Variants in STARD7 observed in about 807,000 individuals in gnomAD.
STARD7 encodes StAR related lipid transfer domain containing 7.
Under a neutral mutation model 45.3 loss-of-function variants are expected in STARD7, and 30 were observed. The ratio of observed to expected loss-of-function variants is 0.66; its 90% CI spans 0.50 to 0.90. The LOEUF is 0.90. Ranked by LOEUF, STARD7 falls within the 40% of genes least tolerant of loss-of-function variation. The pLI, the probability that STARD7 is intolerant of heterozygous loss-of-function variation, is 0.00. For synonymous variants in STARD7, 199 were observed against 183.0 expected (o/e 1.09, Z -0.70); for missense variants, 495 against 491.3 (o/e 1.01, Z -0.07).
In STARD7 at chr2:96,208,570, G is replaced by A. The variant is rs986741310; in HGVS notation, c.-136C>T. ...CACGGTCCCGCGGCCAGGAGCCGCC[G>A]CTCATCTGTCTCTGCAGCCACCGCT... On this transcript the variant is annotated 5_prime_UTR_variant, in exon 1 of 8. Transcript: ENST00000337288. 7.0e-6 allele frequency: 5 copies of A among 713,232 alleles called. No individual in the cohort carries two copies. The highest frequency in any genetic ancestry group is 5.6e-5 in the African/African-American group (3 of 53,312). The allele number at this position is 713,232 out of a possible 1,614,324, so 44.2% of individuals were successfully genotyped here. A position where few individuals can be genotyped will look rare whatever the true frequency, so the allele number is the denominator to read the frequency against.
rs532181654 is a variant in STARD7 at position 96,201,179 on chromosome 2, T to C, written c.291-5630A>G. Among the ~76,000 whole-genome samples, 16 of 151,438 alleles carry C rather than the reference T, an allele frequency of 1.1e-4. No individual in the cohort carries two copies. In the East Asian group the frequency reaches 2.5e-3, roughly 24 times the overall value. On this transcript the variant is annotated intron_variant, in intron 1 of 7. Coordinates refer to ENST00000337288, the MANE Select transcript of STARD7 (RefSeq NM_020151.4). The stretch of plus-strand genomic sequence containing the variant: ...AGCTCCTAGCATGTCCTGGTAAACA[T>C]TACATGTCCTGGTAAACATTACATA...
At chr2:96,197,107 A>AAAACAAAACAAAACG (rs1683231396) in intron 1 of STARD7, among the ~76,000 whole-genome samples, 1 of 147,568 alleles carries the variant, frequency 6.8e-6, no homozygotes, top group Non-Finnish European at 1.5e-5. Context: ...AAAATAAAAT[A>AAAACAAAACAAAACG]AAATAAAATA....
At chr2:96,195,141 A>T in intron 2 of STARD7, 134 bp from the exon 3 acceptor site, 1 of 862,160 alleles carries the variant, frequency 1.2e-6, no homozygotes, top group African/African-American at 1.7e-5. Flanking sequence ...AAGTCTTAGT[A>T]GAGCAACAAA....
At chr2:96,194,128 G>A (rs1323864186) in intron 3 of STARD7, among the ~76,000 whole-genome samples, 1 of 152,154 alleles carries the variant, frequency 6.6e-6, no homozygotes, top group East Asian at 1.9e-4. Context: ...GGAGGCAAAG[G>A]CAGGAGGATC....
chr2:96,192,257 C>A, intron 6 of STARD7, 112 bp downstream of exon 6: 1 of 862,860 alleles, frequency 1.2e-6, no homozygotes, highest in Admixed American at 1.8e-5. Flanking sequence ...CAGACTCCCC[C>A]GAGCGAGAAC....
intron 6 of STARD7, among the ~76,000 whole-genome samples, chr2:96,190,707 A>G (rs987333386): frequency 1.3e-5 from 2 of 152,004 alleles, no homozygotes; most frequent in Admixed American, 1.3e-4. Flanking sequence ...AGTGGCACAA[A>G]CACGGCTTAA....
intron 1 of STARD7, among the ~76,000 whole-genome samples, chr2:96,207,710 C>A (rs1352240329): frequency 2.0e-5 from 3 of 152,214 alleles, no homozygotes; most frequent in Non-Finnish European, 2.9e-5. Flanking sequence ...GCTTTTCTCA[C>A]AGGCCTGAGT....
In STARD7 at chr2:96,208,254, G is replaced by A. The variant is rs770302206; in HGVS notation, c.181C>T (p.Leu61Phe). The change falls in exon 1 of 8, where the codon CTC becomes TTC. Residue 61 changes from leucine (L) to phenylalanine (F), a missense_variant. Physicochemically the swap from Leu to Phe is conservative, Grantham distance 22 (BLOSUM62 0). Around this residue, in one of 2 missense-constraint regions of STARD7, gnomAD observed 282 missense variants for 220.1 expected, o/e 1.28. Transcript: ENST00000337288. ...GGACGGCCGTGCAGCCGGCGCCAGA[G>A]GCGGCCGAGGAGAACGCGGCGTGAG... ...ESSRRVLLGRLWRRLHGRPGH... is the reference protein window; with the variant it reads ...ESSRRVLLGRFWRRLHGRPGH... The A allele has an allele frequency of 5.0e-6, 8 of 1,612,056 alleles. No individual in the cohort carries two copies. Among genetic ancestry groups the A allele is most frequent in the Admixed American group, 3.3e-5 (2 of 59,914 alleles).
At chr2:96,197,414 T>A (rs551216689) in intron 1 of STARD7, among the ~76,000 whole-genome samples, 2 of 152,102 alleles carry the variant, frequency 1.3e-5, no homozygotes, top group East Asian at 3.9e-4. Flanking sequence ...CTAAAATAAA[T>A]AAAAAATAAA....
At chr2:96,205,638 A>G (rs1485662668) in intron 1 of STARD7, among the ~76,000 whole-genome samples, 1 of 152,248 alleles carries the variant, frequency 6.6e-6, no homozygotes, top group Non-Finnish European at 1.5e-5. Flanking sequence ...TAAGCTAGCT[A>G]TGACAACCTC....
At chr2:96,200,306 T>C (rs1683284840) in intron 1 of STARD7, among the ~76,000 whole-genome samples, 1 of 152,222 alleles carries the variant, frequency 6.6e-6, no homozygotes. Context: ...GTTGAACTCC[T>C]GGCCTCAAGT....
chr2:96,193,022 G>C, intron 5 of STARD7, 56 bp downstream of exon 5: 3 of 1,297,880 alleles, frequency 2.3e-6, no homozygotes, highest in Non-Finnish European at 3.3e-6. Context: ...CAGGTACGTA[G>C]GAATGAAGGC....
intron 1 of STARD7, among the ~76,000 whole-genome samples, chr2:96,197,119 AATAAAGC>A (rs1683233383): frequency 1.4e-5 from 2 of 144,078 alleles, no homozygotes; most frequent in East Asian, 2.7e-4. Flanking sequence ...AATAAAATAA[AATAAAGC>A]CAAGCACAAC....
Position 96,192,387 on chromosome 2 carries a change from G to A in STARD7, c.825C>T (p.Pro275=). 1 of 1,613,488 alleles carries A rather than the reference G, an allele frequency of 6.2e-7. No individual in the cohort carries two copies. Among genetic ancestry groups the A allele is most frequent in the South Asian group, 1.1e-5 (1 of 91,072 alleles). The change falls in exon 6 of 8, where the codon CCC becomes CCT. Residue 275 remains proline, a synonymous_variant. Coordinates refer to ENST00000337288, the MANE Select transcript of STARD7 (RefSeq NM_020151.4). ...RSYESQMVIR[P]HKSFDENGFD... ...AACTCACCTCATCAAATGACTTGTG[G>A]GGACGGATAACCATTTGGGATTCAT...
At chr2:96,190,359 C>T (rs1399498325) in intron 6 of STARD7, among the ~76,000 whole-genome samples, 1 of 134,996 alleles carries the variant, frequency 7.4e-6, no homozygotes, top group South Asian at 2.3e-4. Context: ...TTTTTTGAGA[C>T]GAGTCTCACT....
intron 1 of STARD7, among the ~76,000 whole-genome samples, chr2:96,206,135 T>C (rs1466864301): frequency 5.3e-5 from 8 of 152,082 alleles, no homozygotes; most frequent in Non-Finnish European, 1.5e-5. Flanking sequence ...ACTGGTCTGA[T>C]CTCTCTGCCA....
At chr2:96,189,209 A>T (rs560410680) in intron 6 of STARD7, among the ~76,000 whole-genome samples, 2 of 152,124 alleles carry the variant, frequency 1.3e-5, no homozygotes, top group African/African-American at 4.8e-5. Context: ...TCAGCCTCCC[A>T]AAGTGCTGCG....
intron 7 of STARD7, 64 bp downstream of exon 7, chr2:96,187,153 G>GGAAATAGAGAAAAAC: frequency 7.9e-7 from 1 of 1,258,306 alleles, no homozygotes; most frequent in Non-Finnish European, 1.1e-6. Flanking sequence ...TTCCCCATTA[G>GGAAATAGAGAAAAAC]GAAATAGAGA....
chr2:96,189,037 C>T (rs1013503204), intron 6 of STARD7, among the ~76,000 whole-genome samples: 19 of 151,966 alleles, frequency 1.3e-4, no homozygotes, highest in African/African-American at 4.4e-4. Context: ...ACAGCCTCCA[C>T]CTCCTGGGCT....
Sources: gnomAD v4.1 joint callset for allele counts (sites outside exome capture counted in the v4.1 genomes callset) on GRCh38, gnomAD v4.1.1 for gene constraint, gnomAD v4.1.1 regional missense constraint, MANE v1.5 for transcripts, NCBI Gene and HGNC (gene_info 2026-07-23, HGNC 2026-07-21) for gene names.